Variants in DOCK11 observed in about 807,000 individuals in gnomAD.
DOCK11 encodes dedicator of cytokinesis 11, also known as dedicator of cytokinesis protein 11.
DOCK11 carries 70 observed loss-of-function variants against 169.1 expected under a neutral mutation model. The observed-to-expected ratio is 0.41, with a 90% confidence interval of 0.34 to 0.51. DOCK11 has a LOEUF of 0.51. Ranked by LOEUF, DOCK11 falls within the 20% of genes least tolerant of loss-of-function variation. The pLI, the probability that DOCK11 is intolerant of heterozygous loss-of-function variation, is 0.10. For synonymous variants in DOCK11, 529 were observed against 541.3 expected, an observed-to-expected ratio of 0.98 and a Z score of 0.32; for missense variants, 1,166 against 1,538.8, an observed-to-expected ratio of 0.76 and a Z score of 4.05.
chrX:118,585,319 T>C (rs1446185762), intron 16 of DOCK11, among the ~76,000 whole-genome samples: 1 of 108,753 alleles, frequency 9.2e-6, no homozygotes, highest in Non-Finnish European at 1.9e-5. Flanking sequence ...AAAATTAAGG[T>C]GTTTGCAGGG....
intron 16 of DOCK11, among the ~76,000 whole-genome samples, chrX:118,587,641 G>A (rs998156683): frequency 9.0e-6 from 1 of 111,289 alleles, no homozygotes; most frequent in South Asian, 3.7e-4. Flanking sequence ...TTTATCATTG[G>A]TAACACATCG....
chrX:118,683,400 A>G (rs930022365), intron 52 of DOCK11, among the ~76,000 whole-genome samples, 183 bp downstream of exon 52: 1 of 112,459 alleles, frequency 8.9e-6, no homozygotes, highest in African/African-American at 3.2e-5. Flanking sequence ...ACAATTATCT[A>G]AAGTGGTTAG....
chrX:118,685,918 C>T lies in DOCK11; in HGVS notation c.*111C>T. On this transcript the variant is annotated 3_prime_UTR_variant, in exon 53 of 53. Coordinates refer to ENST00000276202, the MANE Select transcript of DOCK11 (RefSeq NM_144658.4). ...ATACATGGAGTGTTTCTTCTCGACA[C>T]CAAAATTTTCATGTGTTCCAACAGG... 3.0e-6 allele frequency: 3 copies of T among 996,971 alleles called. No homozygotes were observed. The highest frequency in any genetic ancestry group is 3.3e-5 in the East Asian group (1 of 30,465). 82.2% of individuals were successfully genotyped at this position (996,971 alleles called of 1,213,427 possible).
chrX:118,580,614 G>A (rs1472190896), intron 14 of DOCK11, among the ~76,000 whole-genome samples: 2 of 111,848 alleles, frequency 1.8e-5, no homozygotes, highest in Non-Finnish European at 3.8e-5. Flanking sequence ...ACTGTGCCCG[G>A]CCAAGAATGC....
At chrX:118,621,885 G>C (rs1246012260) in intron 31 of DOCK11, among the ~76,000 whole-genome samples, 1 of 111,282 alleles carries the variant, frequency 9.0e-6, no homozygotes, top group African/African-American at 3.3e-5. Flanking sequence ...TGCCTGCCTT[G>C]GCCTCCCAAA....
At chrX:118,623,042 G>A (rs985112527) in intron 31 of DOCK11, among the ~76,000 whole-genome samples, 6 of 111,457 alleles carry the variant, frequency 5.4e-5, no homozygotes, top group Non-Finnish European at 1.1e-4. Context: ...ATAGTAAAAC[G>A]CTGTTTCTAC....
chrX:118,607,119 T>A (rs980509982), intron 24 of DOCK11, among the ~76,000 whole-genome samples: 27 of 94,579 alleles, frequency 2.9e-4, no homozygotes, highest in Non-Finnish European at 4.7e-4. Flanking sequence ...CTTCTTTTTT[T>A]TTTTTTTTTT....
At chrX:118,662,813 A>T (rs377187529) in intron 45 of DOCK11, 21 bp downstream of exon 45, 2 of 894,616 alleles carry the variant, frequency 2.2e-6, no homozygotes, top group Non-Finnish European at 3.2e-6. Context: ...CAGGGCCTGC[A>T]TTGCCAGTTA....
chrX:118,566,198 T>G lies in DOCK11; in HGVS notation c.871+16T>G. 12 of 1,173,568 alleles carry G rather than the reference T, an allele frequency of 1.0e-5. No homozygotes were observed. Among genetic ancestry groups the G allele is most frequent in the Non-Finnish European group, 1.4e-5 (12 of 868,063 alleles). On this transcript the variant is annotated intron_variant, in intron 8 of 52. Coordinates refer to ENST00000276202, the MANE Select transcript of DOCK11 (RefSeq NM_144658.4). ...ACAGCACAAGGTCAGAATTTTAAAG[T>G]GATTTATTATTGAAGTAAAGCCCTT...
intron 31 of DOCK11, among the ~76,000 whole-genome samples, chrX:118,621,498 A>T (rs1216691213): frequency 1.8e-5 from 2 of 112,057 alleles, no homozygotes; most frequent in African/African-American, 6.5e-5. Flanking sequence ...TCCTATGAAA[A>T]GCCTGCTTTG....
chrX:118,566,464 C>A, intron 8 of DOCK11, 110 bp from the exon 9 acceptor site: 1 of 729,786 alleles, frequency 1.4e-6, no homozygotes, highest in Non-Finnish European at 2.0e-6. Context: ...AAATTCTTTG[C>A]AATAAATCTT....
chrX:118,657,017 A>G (rs190873745), intron 44 of DOCK11, among the ~76,000 whole-genome samples: 103 of 112,250 alleles, frequency 9.2e-4, no homozygotes, highest in Non-Finnish European at 1.6e-3. Flanking sequence ...AAAATAGTTA[A>G]TTATATTAAA....
At chrX:118,506,585 G>T (rs2057613934) in intron 1 of DOCK11, among the ~76,000 whole-genome samples, 1 of 110,984 alleles carries the variant, frequency 9.0e-6, no homozygotes, top group Admixed American at 9.6e-5. Context: ...AGAATCACTT[G>T]AACCCGGGAG....
At chrX:118,621,763 A>T (rs1483540817) in intron 31 of DOCK11, among the ~76,000 whole-genome samples, 1 of 110,932 alleles carries the variant, frequency 9.0e-6, no homozygotes, top group East Asian at 2.8e-4. Flanking sequence ...CCTCCCGAGT[A>T]GCTGGGATTA....
chrX:118,501,124 T>C (rs1483637367), intron 1 of DOCK11, among the ~76,000 whole-genome samples: 3 of 111,963 alleles, frequency 2.7e-5, no homozygotes, highest in East Asian at 2.8e-4. Flanking sequence ...TGTGCTGTTA[T>C]AAACATGAAC....
At chrX:118,612,091 C>T (rs2014698346) in intron 28 of DOCK11, among the ~76,000 whole-genome samples, 1 of 112,029 alleles carries the variant, frequency 8.9e-6, no homozygotes, top group Admixed American at 9.5e-5. Flanking sequence ...TTTTACTTGC[C>T]TCTTTCCATT....
chrX:118,531,175 G>A (rs1453943991), intron 1 of DOCK11, among the ~76,000 whole-genome samples: 1 of 109,827 alleles, frequency 9.1e-6, no homozygotes, highest in Non-Finnish European at 1.9e-5. Context: ...AGGAAGTGAG[G>A]TTGGGTGCAG....
At chrX:118,585,663 T>C (rs2013794786) in intron 16 of DOCK11, among the ~76,000 whole-genome samples, 1 of 109,023 alleles carries the variant, frequency 9.2e-6, no homozygotes, top group African/African-American at 3.3e-5. Context: ...AGGAAGTGAA[T>C]TGAGTTGATT....
intron 23 of DOCK11, among the ~76,000 whole-genome samples, chrX:118,601,711 G>A (rs1015366796): frequency 3.6e-5 from 4 of 111,968 alleles, no homozygotes; most frequent in African/African-American, 1.3e-4. Flanking sequence ...GAAATACCAT[G>A]TGATTTCAGA....
Sources: gnomAD v4.1 joint callset for allele counts (sites outside exome capture counted in the v4.1 genomes callset) on GRCh38, gnomAD v4.1.1 for gene constraint, MANE v1.5 for transcripts, NCBI Gene and HGNC (gene_info 2026-07-23, HGNC 2026-07-21) for gene names.